Variants in MRPS28 observed in about 807,000 individuals in gnomAD.
The protein encoded by MRPS28 is small ribosomal subunit protein bS1m.
Under a neutral mutation model 10.8 loss-of-function variants are expected in MRPS28, and 7 were observed. The ratio of observed to expected loss-of-function variants is 0.65; its 90% confidence interval spans 0.37 to 1.22. The LOEUF is 1.22. MRPS28 is among the 50% of genes most tolerant of loss of function. The pLI is 0.02. For synonymous variants in MRPS28, 121 were observed against 93.3 expected (o/e 1.30, Z -1.71); for missense variants, 265 against 232.9 (o/e 1.14, Z -0.90).
rs544398304 is a variant in MRPS28, at chr8:79,983,814, T to G, written c.395+19185A>C. Among the ~76,000 whole-genome samples, 175 of 152,312 alleles carry G rather than the reference T, an allele frequency of 1.1e-3. 1 individual carries two copies. Among genetic ancestry groups the G allele is most frequent in the Non-Finnish European group, 2.1e-4 (14 of 68,034 alleles). ...TATGTCTGATTGGTGTACCTGAAAG[T>G]GACGGGGAGAATGGAACCAAGTTGG... is the stretch of plus-strand genomic sequence containing the variant. On this transcript the variant is annotated intron_variant, in intron 2 of 2. Transcript: ENST00000276585.
At chr8:79,981,856 G>T (rs1056407952) in intron 2 of MRPS28, among the ~76,000 whole-genome samples, 9 of 152,178 alleles carry the variant, frequency 5.9e-5, no homozygotes, top group Admixed American at 2.0e-4. Flanking sequence ...ATTATAATAT[G>T]CTCAATCAGT....
intron 2 of MRPS28, among the ~76,000 whole-genome samples, chr8:79,943,891 CAGTGTGAT>C (rs1806833882): frequency 6.6e-6 from 1 of 151,894 alleles, no homozygotes; most frequent in Non-Finnish European, 1.5e-5. Flanking sequence ...TAAAATATAC[CAGTGTGAT>C]AGTGTGATGT....
intron 1 of MRPS28, among the ~76,000 whole-genome samples, chr8:80,003,407 T>C (rs1028404918): frequency 1.3e-5 from 2 of 152,218 alleles, no homozygotes; most frequent in African/African-American, 2.4e-5. Flanking sequence ...GGCTCACGCC[T>C]GTTATCCCAG....
intron 1 of MRPS28, among the ~76,000 whole-genome samples, chr8:80,005,698 TAA>T (rs945647083): frequency 3.9e-5 from 6 of 152,232 alleles, no homozygotes; most frequent in East Asian, 1.9e-4. Flanking sequence ...GCAAATTGGA[TAA>T]AGAGTCAAGA....
chr8:79,991,929 T>G (rs1586082498), intron 2 of MRPS28, among the ~76,000 whole-genome samples: 2 of 38,854 alleles, frequency 5.1e-5, no homozygotes, highest in Admixed American at 6.6e-4. Flanking sequence ...TCTCTCTCTC[T>G]CTCTCTCTCT....
intron 2 of MRPS28, among the ~76,000 whole-genome samples, chr8:79,940,103 GC>G (rs1284336904): frequency 1.3e-5 from 2 of 152,022 alleles, no homozygotes; most frequent in African/African-American, 4.8e-5. Context: ...TGATTTCTGG[GC>G]CTCATCCCCA....
intron 2 of MRPS28, among the ~76,000 whole-genome samples, chr8:79,978,021 T>C (rs961528268): frequency 4.0e-5 from 6 of 151,852 alleles, no homozygotes; most frequent in East Asian, 3.9e-4. Context: ...AATATGAAAA[T>C]AGAAATGTAG....
At chr8:80,011,785 A>G (rs1809058801) in intron 1 of MRPS28, among the ~76,000 whole-genome samples, 1 of 152,098 alleles carries the variant, frequency 6.6e-6, no homozygotes, top group Non-Finnish European at 1.5e-5. Flanking sequence ...AAAAAACAAA[A>G]CAAAACAAAA....
At chr8:79,921,076 G>T (rs1346949516) in intron 2 of MRPS28, among the ~76,000 whole-genome samples, 2 of 152,064 alleles carry the variant, frequency 1.3e-5, no homozygotes, top group Non-Finnish European at 2.9e-5. Context: ...TTTTTGTCAG[G>T]TTTGTCAAAG....
intron 2 of MRPS28, among the ~76,000 whole-genome samples, chr8:79,962,984 T>G (rs1052072372): frequency 8.5e-5 from 13 of 152,154 alleles, no homozygotes; most frequent in Admixed American, 2.6e-4. Flanking sequence ...ACAGACCTCT[T>G]GGAAACACTG....
Position 79,919,529 on chromosome 8 carries a change from A to C in MRPS28, c.396-381T>G, listed in dbSNP as rs144543935. Among the ~76,000 whole-genome samples the C allele has an allele frequency of 1.2e-3, 181 of 152,164 alleles. 2 individuals carry two copies. The East Asian group carries it at 0.023, about 20-fold the overall frequency. ...CTAATTTCAGAGTCAGGGTCTCTCT[A>C]TGTTGCCCAGGCCAGGCTGGTCTCA... On this transcript the variant is annotated intron_variant, in intron 2 of 2. Coordinates refer to ENST00000276585, the MANE Select transcript of MRPS28 (RefSeq NM_014018.3).
chr8:79,945,284 T>C (rs77459362), intron 2 of MRPS28, among the ~76,000 whole-genome samples: 4,752 of 152,282 alleles, frequency 0.031, 121 homozygotes, highest in African/African-American at 0.055. Context: ...AGGCAATGTA[T>C]TTATAAATAT....
chr8:79,936,898 T>C (rs528931257), intron 2 of MRPS28, among the ~76,000 whole-genome samples: 1 of 152,358 alleles, frequency 6.6e-6, no homozygotes, highest in South Asian at 2.1e-4. Context: ...TCTCACTCTA[T>C]TGCCCAGGCT....
chr8:80,007,075 G>T (rs1808871270), intron 1 of MRPS28, among the ~76,000 whole-genome samples: 1 of 152,162 alleles, frequency 6.6e-6, no homozygotes, highest in Non-Finnish European at 1.5e-5. Context: ...TATCCACCAT[G>T]ATCAAGTAGG....
At chr8:79,922,259 G>C (rs1422912093) in intron 2 of MRPS28, among the ~76,000 whole-genome samples, 4 of 152,150 alleles carry the variant, frequency 2.6e-5, no homozygotes, top group African/African-American at 9.7e-5. Context: ...AACCCCACAT[G>C]ATCTCTCACT....
chr8:79,945,380 T>C (rs899559217), intron 2 of MRPS28, among the ~76,000 whole-genome samples: 1 of 152,144 alleles, frequency 6.6e-6, no homozygotes, highest in Non-Finnish European at 1.5e-5. Context: ...AGGCACCAGA[T>C]GATAGAGACA....
intron 1 of MRPS28, among the ~76,000 whole-genome samples, chr8:80,023,081 A>T (rs1420013247): frequency 6.6e-6 from 1 of 152,216 alleles, no homozygotes; most frequent in Non-Finnish European, 1.5e-5. Context: ...CATTGTTTAT[A>T]TATTAACTGG....
At chr8:79,931,390 C>T (rs756683423) in intron 2 of MRPS28, among the ~76,000 whole-genome samples, 4 of 152,164 alleles carry the variant, frequency 2.6e-5, no homozygotes, top group Non-Finnish European at 5.9e-5. Flanking sequence ...GAATTCTGCA[C>T]AGAGAGCATG....
chr8:80,027,845 C>T (rs1055105415), intron 1 of MRPS28, among the ~76,000 whole-genome samples: 3 of 152,192 alleles, frequency 2.0e-5, no homozygotes, highest in African/African-American at 7.2e-5. Flanking sequence ...AACACATTTA[C>T]CCATCATCTA....
Sources: gnomAD v4.1 joint callset for allele counts (sites outside exome capture counted in the v4.1 genomes callset) on GRCh38, gnomAD v4.1.1 for gene constraint, MANE v1.5 for transcripts, NCBI Gene and HGNC (gene_info 2026-07-23, HGNC 2026-07-21) for gene names.